The following LIMCH1 variants were observed in gnomAD, a reference collection of about 807,000 sequenced individuals.
LIMCH1 encodes the protein LIM and calponin homology domains-containing protein 1.
LIMCH1 carries 113 observed loss-of-function variants against 176.5 expected under a neutral mutation model. The observed-to-expected ratio is 0.64, with a 90% CI of 0.55 to 0.75. The LOEUF (loss-of-function observed/expected upper bound fraction) is 0.75. Among genes scored for constraint, LIMCH1 ranks in the 30% least tolerant of loss-of-function variants. LIMCH1 has a pLI of 0.00. For synonymous variants in LIMCH1, 619 were observed against 645.9 expected (o/e 0.96, Z 0.63); for missense variants, 1,674 against 1,814.9 (o/e 0.92, Z 1.41).
intron 1 of LIMCH1, among the ~76,000 whole-genome samples, chr4:41,593,979 A>T (rs1055846912): frequency 6.8e-6 from 1 of 147,764 alleles, no homozygotes; most frequent in African/African-American, 2.7e-5. Context: ...ATATACATGC[A>T]TACTTTTTTT....
intron 1 of LIMCH1, among the ~76,000 whole-genome samples, chr4:41,550,726 G>T (rs1418388933): frequency 1.3e-5 from 2 of 152,128 alleles, no homozygotes; most frequent in Admixed American, 6.5e-5. Flanking sequence ...TTCCTGAGTA[G>T]AAATGCAAGC....
At chr4:41,661,323 A>G (rs1008368180) in intron 18 of LIMCH1, 97 bp from the exon 19 acceptor site, 2 of 834,270 alleles carry the variant, frequency 2.4e-6, no homozygotes, top group East Asian at 2.6e-5. Context: ...CATATGGCCA[A>G]ACCACTTTGT....
intron 2 of LIMCH1, among the ~76,000 whole-genome samples, chr4:41,508,317 A>C (rs1304160222): frequency 6.6e-6 from 1 of 152,180 alleles, no homozygotes; most frequent in East Asian, 1.9e-4. Flanking sequence ...AAAGACAAAA[A>C]ATAATTTTGG....
intron 14 of LIMCH1, among the ~76,000 whole-genome samples, chr4:41,640,123 G>A (rs1167150732): frequency 6.6e-6 from 1 of 152,192 alleles, no homozygotes; most frequent in Non-Finnish European, 1.5e-5. Context: ...CTGACATAAA[G>A]AACACTCATG....
In LIMCH1 at chr4:41,555,931, G is replaced by C. The variant is rs1339258922; in HGVS notation, c.-241+17581G>C. Among the ~76,000 whole-genome samples the C allele has an allele frequency of 2.6e-5, 4 of 152,132 alleles. No individual in the cohort carries two copies. In the East Asian group the frequency reaches 7.8e-4, roughly 30 times the overall value. ...TAATTTTTCTTGTACTTTTTGTAGA[G>C]ACAGGGTTTCACTGTATTGCCCAGG... On this transcript the variant is annotated intron_variant, in intron 1 of 31. Coordinates refer to ENST00000503057, the MANE Select transcript of LIMCH1 (RefSeq NM_001330672.2).
At chr4:41,688,027 A>T in intron 29 of LIMCH1, 110 bp downstream of exon 29, 1 of 808,872 alleles carries the variant, frequency 1.2e-6, no homozygotes, top group South Asian at 1.5e-5. Context: ...GGATGTGTCC[A>T]TCCACATCTC....
chr4:41,655,370 G>A (rs1282982917), intron 18 of LIMCH1, among the ~76,000 whole-genome samples: 1 of 152,176 alleles, frequency 6.6e-6, no homozygotes, highest in Non-Finnish European at 1.5e-5. Flanking sequence ...AGAGACCACA[G>A]GTGCCACTCA....
chr4:41,460,599 G>A (rs985354137), intron 1 of LIMCH1, among the ~76,000 whole-genome samples: 6 of 151,506 alleles, frequency 4.0e-5, no homozygotes, highest in African/African-American at 7.3e-5. Context: ...GTGCTTTTCA[G>A]TATTTTTCTA....
At chr4:41,589,674 A>T (rs559974519) in intron 1 of LIMCH1, among the ~76,000 whole-genome samples, 2 of 152,092 alleles carry the variant, frequency 1.3e-5, no homozygotes, top group East Asian at 3.9e-4. Flanking sequence ...TCCTCCTCTA[A>T]CTGTCCTTTA....
At chr4:41,494,578 G>C (rs1469196348) in exon 2 of LIMCH1, 9 of 1,612,780 alleles carry the variant, frequency 5.6e-6, no homozygotes, top group Non-Finnish European at 7.6e-6. Context: ...TTTTCGGACA[G>C]GTTTAGAAAA....
In LIMCH1 at chr4:41,419,561, C is replaced by CCCTTCCTTCCTTCCGTCCTT. The variant is rs1561308553; in HGVS notation, c.96+58639_96+58640insGTCCTTCCTTCCTTCCTTCC. Among the ~76,000 whole-genome samples, 380 of 116,324 alleles carry CCCTTCCTTCCTTCCGTCCTT rather than the reference C, an allele frequency of 3.3e-3. 4 individuals carry two copies. Among genetic ancestry groups the CCCTTCCTTCCTTCCGTCCTT allele is most frequent in the Middle Eastern group, 4.8e-3 (1 of 210 alleles). 76.3% of individuals were successfully genotyped at this position (116,324 alleles called of 152,430 possible). A position where few individuals can be genotyped will look rare whatever the true frequency, so the allele number is the denominator to read the frequency against. On this transcript the variant is annotated intron_variant, in intron 1 of 26. Transcript: ENST00000313860. The stretch of plus-strand genomic sequence containing the variant: ...GCCTACATTTTCTTCCTTTCCTTTC[C>CCCTTCCTTCCTTCCGTCCTT]CCTTCCTTCCTTCCTTCCTTCCTTC...
intron 19 of LIMCH1, chr4:41,661,906 G>C: frequency 2.5e-6 from 1 of 402,382 alleles, no homozygotes. Flanking sequence ...CTCACATATA[G>C]TTAAAAATGA....
chr4:41,526,260 G>A (rs1440545926), intron 3 of LIMCH1, among the ~76,000 whole-genome samples: 2 of 117,532 alleles, frequency 1.7e-5, no homozygotes, highest in Non-Finnish European at 3.4e-5. Flanking sequence ...CCTTGCTATC[G>A]CTTTTTTTTT....
intron 1 of LIMCH1, among the ~76,000 whole-genome samples, chr4:41,569,522 G>A (rs1047566290): frequency 2.0e-5 from 3 of 152,162 alleles, no homozygotes; most frequent in Non-Finnish European, 4.4e-5. Flanking sequence ...TTGGAAACGC[G>A]AAGTAAAAGA....
At position 41,644,824 on chromosome 4, in the gene LIMCH1, A is replaced by G. The variant is rs574521370; in HGVS notation, c.2253+198A>G. On this transcript the variant is annotated intron_variant, in intron 15 of 31. Coordinates refer to ENST00000503057, the MANE Select transcript of LIMCH1 (RefSeq NM_001330672.2). ...GTATGGAGTGATGGCCCAGACATGT[A>G]ATCAGCAAACACCCTGGCCAGAAGC... 1.4e-3 allele frequency among the ~76,000 whole-genome samples: 217 copies of G among 152,256 alleles called. 1 individual carries two copies. The highest frequency in any genetic ancestry group is 5.2e-3 in the African/African-American group (214 of 41,546).
chr4:41,616,560 GA>G (rs1366043881), intron 5 of LIMCH1, among the ~76,000 whole-genome samples: 1 of 151,440 alleles, frequency 6.6e-6, no homozygotes, highest in Non-Finnish European at 1.5e-5. Context: ...ATAAAATAAA[GA>G]AAATCATCAT....
chr4:41,369,939 AGT>A (rs113302113), intron 1 of LIMCH1, among the ~76,000 whole-genome samples: 12 of 138,104 alleles, frequency 8.7e-5, no homozygotes, highest in East Asian at 2.2e-4. Context: ...CAGGAAGCAA[AGT>A]GTGTGTGTGT....
chr4:41,641,742 G>A (rs1459471366), intron 14 of LIMCH1, among the ~76,000 whole-genome samples: 1 of 152,222 alleles, frequency 6.6e-6, no homozygotes, highest in African/African-American at 2.4e-5. Flanking sequence ...CACAAGGTCA[G>A]GTGTGGAATT....
At chr4:41,617,194 GTTGA>G (rs1189003146) in intron 5 of LIMCH1, among the ~76,000 whole-genome samples, 4 of 152,114 alleles carry the variant, frequency 2.6e-5, no homozygotes, top group African/African-American at 7.2e-5. Context: ...AGCTTTCATA[GTTGA>G]TTGAAGAATC....
Sources: allele counts gnomAD v4.1 joint callset (sites outside exome capture counted in the v4.1 genomes callset), GRCh38; gene constraint gnomAD v4.1.1; transcripts MANE v1.5; gene names NCBI Gene and HGNC (gene_info 2026-07-23, HGNC 2026-07-21).